TMEFF2: variants seen among roughly 807,000 people sequenced by gnomAD.
The protein encoded by TMEFF2 is transmembrane protein with EGF like and two follistatin like domains 2, also known as tomoregulin-2.
Under a neutral mutation model 53.8 loss-of-function variants are expected in TMEFF2, and 28 were observed. That is an observed-to-expected ratio of 0.52 (90% CI 0.39 to 0.71). TMEFF2 has a LOEUF of 0.71. Ranked by LOEUF, TMEFF2 falls within the 30% of genes least tolerant of loss-of-function variation. TMEFF2 has a pLI of 0.00. For synonymous variants in TMEFF2, 162 were observed against 166.3 expected, an observed-to-expected ratio of 0.97 and a Z score of 0.20; for missense variants, 353 against 455.2, an observed-to-expected ratio of 0.78 and a Z score of 2.04.
intron 4 of TMEFF2, among the ~76,000 whole-genome samples, chr2:192,089,854 A>G (rs1403246183): frequency 6.6e-6 from 1 of 152,196 alleles, no homozygotes; most frequent in Non-Finnish European, 1.5e-5. Context: ...ATGTAGCACA[A>G]TGTCTGGAGC....
intron 7 of TMEFF2, among the ~76,000 whole-genome samples, chr2:191,977,176 A>G (rs1010492349): frequency 6.6e-6 from 1 of 152,264 alleles, no homozygotes; most frequent in African/African-American, 2.4e-5. Context: ...AGAGTATTCC[A>G]TGCTGGACCA....
intron 4 of TMEFF2, among the ~76,000 whole-genome samples, chr2:192,170,517 G>A (rs1218941670): frequency 6.6e-6 from 1 of 151,754 alleles, no homozygotes; most frequent in African/African-American, 2.4e-5. Context: ...ACCAAAAGAA[G>A]GTAACGACAG....
At chr2:191,982,614 G>T (rs1685880332) in intron 7 of TMEFF2, among the ~76,000 whole-genome samples, 1 of 151,852 alleles carries the variant, frequency 6.6e-6, no homozygotes, top group Admixed American at 6.6e-5. Context: ...TGAACAATTT[G>T]ACTGACTAGC....
At chr2:192,150,166 T>G (rs948511197) in intron 4 of TMEFF2, among the ~76,000 whole-genome samples, 2 of 151,982 alleles carry the variant, frequency 1.3e-5, no homozygotes, top group Admixed American at 6.6e-5. Context: ...TGTTTTAGAT[T>G]TTTTAAATTT....
intron 4 of TMEFF2, among the ~76,000 whole-genome samples, chr2:192,106,868 G>C (rs1689161469): frequency 6.6e-6 from 1 of 151,696 alleles, no homozygotes; most frequent in African/African-American, 2.4e-5. Flanking sequence ...TTCCCATTCA[G>C]TGAACGGAGA....
chr2:192,041,556 C>A (rs1479085412), intron 5 of TMEFF2, among the ~76,000 whole-genome samples: 1 of 152,136 alleles, frequency 6.6e-6, no homozygotes, highest in Non-Finnish European at 1.5e-5. Flanking sequence ...TAGTCTGGCC[C>A]TTCCTCAAAA....
chr2:192,120,740 CA>C (rs1360710873), intron 4 of TMEFF2, among the ~76,000 whole-genome samples: 9 of 151,566 alleles, frequency 5.9e-5, no homozygotes, highest in African/African-American at 1.9e-4. Flanking sequence ...ATTGAATAAA[CA>C]TTTTTTTTTT....
chr2:192,084,805 T>C (rs898548850), intron 4 of TMEFF2, among the ~76,000 whole-genome samples: 2 of 152,228 alleles, frequency 1.3e-5, no homozygotes, highest in African/African-American at 4.8e-5. Context: ...AGGTTGATTG[T>C]GTTCTTTTTC....
chr2:192,033,791 A>G (rs80325177), intron 5 of TMEFF2, among the ~76,000 whole-genome samples: 10,088 of 152,216 alleles, frequency 0.066, 490 homozygotes, highest in African/African-American at 0.13. Flanking sequence ...CAAATTGACC[A>G]TCTATCCTGG....
intron 7 of TMEFF2, among the ~76,000 whole-genome samples, chr2:191,976,541 C>T (rs563217637): frequency 1.3e-5 from 2 of 152,218 alleles, no homozygotes; most frequent in Admixed American, 6.5e-5. Flanking sequence ...TTACAAGGGT[C>T]ATTCCGCAGA....
At chr2:192,079,963 T>A (rs977518414) in intron 4 of TMEFF2, among the ~76,000 whole-genome samples, 2 of 152,186 alleles carry the variant, frequency 1.3e-5, no homozygotes, top group African/African-American at 4.8e-5. Context: ...GTCTTTTCTA[T>A]AACCAAAAGT....
intron 5 of TMEFF2, among the ~76,000 whole-genome samples, chr2:192,025,482 G>A (rs912526420): frequency 1.3e-5 from 2 of 151,694 alleles, no homozygotes; most frequent in South Asian, 2.1e-4. Context: ...AATCTAAGAA[G>A]TTGGTGCAAC....
rs1330981029 is a variant in TMEFF2, at chr2:191,949,587, C to T, written c.*724G>A. The stretch of plus-strand genomic sequence containing the variant: ...TAGTATGTAACTTGTTCAGTAAGTT[C>T]AGATATATGCACTTAACTGGGGGAT... On this transcript the variant is annotated 3_prime_UTR_variant, in exon 10 of 10. Coordinates refer to ENST00000272771, the MANE Select transcript of TMEFF2 (RefSeq NM_016192.4). 2.0e-6 allele frequency: 2 copies of T among 985,188 alleles called. No homozygotes were observed. The highest frequency in any genetic ancestry group is 3.5e-5 in the African/African-American group (2 of 57,192). 61.0% of individuals were successfully genotyped at this position (985,188 alleles called of 1,614,324 possible). A position where few individuals can be genotyped will look rare whatever the true frequency, so the allele number is the denominator to read the frequency against.
chr2:192,014,328 A>C (rs1686699338), intron 5 of TMEFF2, among the ~76,000 whole-genome samples: 1 of 152,240 alleles, frequency 6.6e-6, no homozygotes, highest in African/African-American at 2.4e-5. Context: ...GCATACAATT[A>C]GCCTTTTCAC....
intron 4 of TMEFF2, among the ~76,000 whole-genome samples, chr2:192,132,860 C>A (rs939071111): frequency 6.6e-6 from 1 of 152,054 alleles, no homozygotes; most frequent in African/African-American, 2.4e-5. Context: ...GCTCTTTGAC[C>A]GACTCCTTCT....
intron 4 of TMEFF2, among the ~76,000 whole-genome samples, chr2:192,151,558 TG>T (rs1690389241): frequency 6.6e-6 from 1 of 151,908 alleles, no homozygotes; most frequent in African/African-American, 2.4e-5. Context: ...TTTATTTGTT[TG>T]TTTTTTTAAC....
intron 4 of TMEFF2, among the ~76,000 whole-genome samples, chr2:192,136,584 G>A (rs1474394704): frequency 6.6e-6 from 1 of 152,132 alleles, no homozygotes; most frequent in Non-Finnish European, 1.5e-5. Context: ...AAATATTGAA[G>A]ACCTTTATGA....
intron 4 of TMEFF2, among the ~76,000 whole-genome samples, chr2:192,132,136 C>A (rs373123245): frequency 6.6e-6 from 1 of 151,980 alleles, no homozygotes; most frequent in East Asian, 1.9e-4. Flanking sequence ...CCCAATTCTT[C>A]CTCAGCCTCC....
Position 191,998,215 on chromosome 2 carries a change from T to C in TMEFF2, c.745+47A>G, listed in dbSNP as rs751443232. 14 of 1,441,324 alleles carry C rather than the reference T, an allele frequency of 9.7e-6. No individual in the cohort carries two copies. The Middle Eastern group carries it at 1.6e-3, about 162-fold the overall frequency. The allele number at this position is 1,441,324 out of a possible 1,614,324, so 89.3% of individuals were successfully genotyped here. ...AGTAAACAACCATTTCCCAGGACTC[T>C]CTTTTAATAGAAGAGCTCACATTTT... is the stretch of plus-strand genomic sequence containing the variant. On this transcript the variant is annotated intron_variant, in intron 7 of 9. Coordinates refer to ENST00000272771, the MANE Select transcript of TMEFF2 (RefSeq NM_016192.4).
Sources: gnomAD v4.1 joint callset for allele counts (sites outside exome capture counted in the v4.1 genomes callset) on GRCh38, gnomAD v4.1.1 for gene constraint, MANE v1.5 for transcripts, NCBI Gene and HGNC (gene_info 2026-07-23, HGNC 2026-07-21) for gene names.